TDRD5: variants seen among roughly 807,000 people sequenced by gnomAD.
The protein encoded by TDRD5 is tudor domain-containing protein 5.
Under a neutral mutation model 120.6 loss-of-function variants are expected in TDRD5, and 41 were observed. That is an observed-to-expected ratio of 0.34 (90% CI 0.26 to 0.44). TDRD5 has a LOEUF of 0.44. Ranked by LOEUF, TDRD5 falls within the 20% of genes least tolerant of loss-of-function variation. The pLI is 1.00. For synonymous variants in TDRD5, 430 were observed against 433.7 expected, an observed-to-expected ratio of 0.99 and a Z score of 0.11; for missense variants, 1,006 against 1,221.2, an observed-to-expected ratio of 0.82 and a Z score of 2.63.
At chr1:179,661,482 T>G (rs1679313436) in intron 14 of TDRD5, among the ~76,000 whole-genome samples, 2 of 152,162 alleles carry the variant, frequency 1.3e-5, no homozygotes, top group South Asian at 4.1e-4. Flanking sequence ...ATTTCTGTTC[T>G]GCTATTGAAA....
intron 4 of TDRD5, among the ~76,000 whole-genome samples, chr1:179,616,421 C>T (rs1367805129): frequency 1.3e-5 from 2 of 152,014 alleles, no homozygotes; most frequent in African/African-American, 4.8e-5. Context: ...CTATTCTCTC[C>T]CAGCACCCCA....
At chr1:179,594,444 T>C (rs1194875282) in intron 3 of TDRD5, among the ~76,000 whole-genome samples, 1 of 152,180 alleles carries the variant, frequency 6.6e-6, no homozygotes, top group East Asian at 1.9e-4. Flanking sequence ...GAAAATTAAA[T>C]GGCTTTTCTA....
intron 4 of TDRD5, among the ~76,000 whole-genome samples, chr1:179,605,136 G>A (rs970162258): frequency 6.6e-6 from 1 of 152,070 alleles, no homozygotes; most frequent in African/African-American, 2.4e-5. Context: ...GTCCCTCTTT[G>A]TCTCTTTTAA....
chr1:179,690,051 C>A (rs1681046538), intron 17 of TDRD5, among the ~76,000 whole-genome samples: 1 of 152,076 alleles, frequency 6.6e-6, no homozygotes, highest in Non-Finnish European at 1.5e-5. Context: ...TGTGGGCTGC[C>A]CCCACTGTCC....
chr1:179,634,378 T>A, intron 7 of TDRD5, 79 bp from the exon 8 acceptor site: 1 of 1,445,840 alleles, frequency 6.9e-7, no homozygotes, highest in Non-Finnish European at 9.3e-7. Flanking sequence ...GTTGTATAGC[T>A]ATTTTAACAA....
chr1:179,665,004 T>A (rs759717048), intron 16 of TDRD5, among the ~76,000 whole-genome samples: 29 of 152,050 alleles, frequency 1.9e-4, no homozygotes, highest in Non-Finnish European at 2.2e-4. Flanking sequence ...ATATGAAGGG[T>A]TTTCTTTCCA....
chr1:179,683,476 G>C (rs1399539485), intron 17 of TDRD5, among the ~76,000 whole-genome samples: 1 of 151,994 alleles, frequency 6.6e-6, no homozygotes, highest in African/African-American at 2.4e-5. Context: ...CTCTCTAATA[G>C]ACACTATAGT....
At position 179,593,551 on chromosome 1, in the gene TDRD5, A is replaced by C; in HGVS notation, c.324A>C (p.Arg108Ser). 4 of 1,614,116 alleles carry C rather than the reference A, an allele frequency of 2.5e-6. No individual in the cohort carries two copies. Among genetic ancestry groups the C allele is most frequent in the Non-Finnish European group, 3.4e-6 (4 of 1,180,016 alleles). The change falls in exon 3 of 18, where the codon AGA becomes AGC. Residue 108 changes from arginine to serine, a missense_variant. Physicochemically the swap from Arg to Ser is moderately radical, Grantham distance 110. This residue lies in a region of TDRD5 where 445 missense variants were observed against 515.5 expected (regional missense o/e 0.86). Coordinates refer to ENST00000444136, the MANE Select transcript of TDRD5 (RefSeq NM_001199085.3). ...TTCGAAACTCAATGCATAAGGGAAG[A>C]CCTAGTATTTATTCTGGACCGAGAT... The part of the protein sequence containing the change: ...HKLRNSMHKG[R>S]PSIYSGPRSH...
chr1:179,654,346 T>C lies in TDRD5; in HGVS notation c.2306T>C (p.Leu769Pro). 6.5e-7 allele frequency: 1 copy of C among 1,531,004 alleles called. No homozygotes were observed. The highest frequency in any genetic ancestry group is 1.2e-5 in the South Asian group (1 of 80,270). The allele number at this position is 1,531,004 out of a possible 1,614,324, so 94.8% of individuals were successfully genotyped here. Residue 769 changes from leucine (L) to proline (P), a missense_variant, in exon 14 of 18, where the codon CTG (leucine) becomes CCG (proline). By Grantham distance (98) the Leu-to-Pro change is moderately conservative. Around this residue, in one of 3 missense-constraint regions of TDRD5, gnomAD observed 403 missense variants for 448.1 expected, o/e 0.90. Coordinates refer to ENST00000444136, the MANE Select transcript of TDRD5 (RefSeq NM_001199085.3). ...PKWSNPEPND[L>P]KEENEDEIPT... ...TGGTCCAACCCAGAACCAAACGATC[T>C]GAAGGAAGAAAATGAGGTAGGAGAA...
At chr1:179,685,817 G>A (rs1480786884) in intron 17 of TDRD5, among the ~76,000 whole-genome samples, 1 of 152,148 alleles carries the variant, frequency 6.6e-6, no homozygotes, top group African/African-American at 2.4e-5. Context: ...GTGAATGGGA[G>A]TTCACTCATG....
chr1:179,619,333 C>T (rs1676725084), intron 5 of TDRD5, among the ~76,000 whole-genome samples: 1 of 152,052 alleles, frequency 6.6e-6, no homozygotes, highest in Non-Finnish European at 1.5e-5. Context: ...TGTGAATTGC[C>T]TGTTTATGTC....
intron 11 of TDRD5, among the ~76,000 whole-genome samples, chr1:179,643,322 T>C (rs1377157668): frequency 6.6e-6 from 1 of 151,498 alleles, no homozygotes; most frequent in South Asian, 2.1e-4. Flanking sequence ...TCACTAGACA[T>C]GGGAGAAAAA....
chr1:179,654,287 A>G lies in TDRD5; in HGVS notation c.2247A>G (p.Lys749=). 1 of 1,549,922 alleles carries G rather than the reference A, an allele frequency of 6.5e-7. No individual in the cohort carries two copies. The highest frequency in any genetic ancestry group is 2.4e-5 in the East Asian group (1 of 40,882). ...PLKDSEFESL[K]TCNKSFEEDP... The stretch of plus-strand genomic sequence containing the variant: ...AGGATTCTGAATTTGAGTCTTTGAA[A>G]ACCTGTAATAAGAGCTTTGAAGAAG... The change falls in exon 14 of 18, where the codon AAA becomes AAG. Residue 749 remains lysine, a synonymous_variant. Transcript: ENST00000444136.
chr1:179,625,967 A>C (rs1446313583), intron 6 of TDRD5, among the ~76,000 whole-genome samples: 1 of 152,028 alleles, frequency 6.6e-6, no homozygotes, highest in African/African-American at 2.4e-5. Flanking sequence ...CGCAAGAACA[A>C]AAAACCAAAC....
At chr1:179,628,383 T>G (rs1395855852) in intron 6 of TDRD5, among the ~76,000 whole-genome samples, 1 of 139,884 alleles carries the variant, frequency 7.1e-6, no homozygotes, top group Non-Finnish European at 1.5e-5. Context: ...CAAGCTGGAG[T>G]GCAGTGGTAC....
chr1:179,663,534 A>G lies in TDRD5; in HGVS notation c.2649+43A>G, dbSNP rs776275618. 5.2e-6 allele frequency: 8 copies of G among 1,552,368 alleles called. No homozygotes were observed. The Admixed American group carries it at 1.7e-4, about 33-fold the overall frequency. On this transcript the variant is annotated intron_variant, in intron 16 of 17. Coordinates refer to ENST00000444136, the MANE Select transcript of TDRD5 (RefSeq NM_001199085.3). Reference sequence around the variant, plus strand: ...GTTATTGGGACAGGTTTGCATAAGGAAGTCCTTTCATTTTTAGAAAGCAAA... The same window carrying G: ...GTTATTGGGACAGGTTTGCATAAGGGAGTCCTTTCATTTTTAGAAAGCAAA...
chr1:179,666,106 T>A (rs1034648009), intron 16 of TDRD5, among the ~76,000 whole-genome samples: 3 of 152,198 alleles, frequency 2.0e-5, no homozygotes, highest in Non-Finnish European at 4.4e-5. Flanking sequence ...ATGAAAGTAC[T>A]ACATATGCAG....
At chr1:179,690,586 C>G (rs1331585569) in intron 17 of TDRD5, 110 bp from the exon 18 acceptor site, 1 of 1,456,160 alleles carries the variant, frequency 6.9e-7, no homozygotes, top group Non-Finnish European at 9.2e-7. Flanking sequence ...TTGTCGCTAC[C>G]TAACAGAAAA....
chr1:179,631,688 T>TA (rs1045043814), intron 7 of TDRD5, among the ~76,000 whole-genome samples: 27 of 152,228 alleles, frequency 1.8e-4, no homozygotes, highest in African/African-American at 6.5e-4. Flanking sequence ...ATTAATGCCT[T>TA]ATTTACCATG....
Sources: gnomAD v4.1 joint callset for allele counts (sites outside exome capture counted in the v4.1 genomes callset) on GRCh38, gnomAD v4.1.1 for gene constraint, gnomAD v4.1.1 regional missense constraint, MANE v1.5 for transcripts, NCBI Gene and HGNC (gene_info 2026-07-23, HGNC 2026-07-21) for gene names.